KLF13: variants seen among roughly 807,000 people sequenced by gnomAD.
The protein encoded by KLF13 is Krueppel-like factor 13.
In KLF13, 8 loss-of-function variants were observed where a neutral mutation model predicts 16.7. The observed-to-expected ratio is 0.48, with a 90% CI of 0.28 to 0.87. KLF13 has a LOEUF of 0.87. Among genes scored for constraint, KLF13 ranks in the 40% least tolerant of loss-of-function variants. KLF13 has a pLI of 0.10. For missense variants in KLF13, 447 were observed against 452.2 expected, an observed-to-expected ratio of 0.99 and a Z score of 0.10; for synonymous variants, 245 against 208.4, an observed-to-expected ratio of 1.18 and a Z score of -1.51.
At chr15:31,337,718 G>A (rs1334959965) in intron 1 of KLF13, among the ~76,000 whole-genome samples, 1 of 152,146 alleles carries the variant, frequency 6.6e-6, no homozygotes, top group Non-Finnish European at 1.5e-5. Context: ...TCTAAATATA[G>A]AAAAAGGTAC....
intron 1 of KLF13, among the ~76,000 whole-genome samples, chr15:31,355,105 G>C (rs189551370): frequency 6.6e-6 from 1 of 152,342 alleles, no homozygotes; most frequent in East Asian, 1.9e-4. Flanking sequence ...TAGGTAAAAA[G>C]AAGGCAACCA....
intron 1 of KLF13, among the ~76,000 whole-genome samples, chr15:31,371,263 A>G (rs2039550909): frequency 2.0e-5 from 3 of 152,142 alleles, no homozygotes; most frequent in Non-Finnish European, 2.9e-5. Flanking sequence ...ACCGTAGCCA[A>G]CCTTCATTAC....
chr15:31,363,458 A>G (rs2039418953), intron 1 of KLF13, among the ~76,000 whole-genome samples: 1 of 152,212 alleles, frequency 6.6e-6, no homozygotes, highest in Non-Finnish European at 1.5e-5. Flanking sequence ...TTCATGGAGA[A>G]GTATAGTATA....
chr15:31,339,860 G>C lies in KLF13; in HGVS notation c.577+12071G>C, dbSNP rs1246141062. ...GTGGGAGTGCCCCAGGTGGCACTTT[G>C]CTGTGGGAGATGCAGCAGCGGGCTC... On this transcript the variant is annotated intron_variant, in intron 1 of 1. Coordinates refer to ENST00000307145, the MANE Select transcript of KLF13 (RefSeq NM_015995.4). 5 of 680,300 alleles carry C rather than the reference G, an allele frequency of 7.3e-6. No homozygotes were observed. The South Asian group carries it at 7.5e-5, about 10-fold the overall frequency. The allele number at this position is 680,300 out of a possible 1,614,324, so 42.1% of individuals were successfully genotyped here.
At chr15:31,370,782 A>G (rs529056203) in intron 1 of KLF13, among the ~76,000 whole-genome samples, 3 of 152,156 alleles carry the variant, frequency 2.0e-5, no homozygotes, top group African/African-American at 7.2e-5. Flanking sequence ...TTTCATCTCA[A>G]ATTCCTCAGA....
At chr15:31,329,453 C>T (rs1167342370) in intron 1 of KLF13, among the ~76,000 whole-genome samples, 12 of 150,178 alleles carry the variant, frequency 8.0e-5, no homozygotes, top group Admixed American at 4.6e-4. Context: ...GCCTGCCACT[C>T]GGCAGCACCG....
chr15:31,427,572 A>G (rs1167358092), intron 1 of KLF13, among the ~76,000 whole-genome samples: 1 of 152,250 alleles, frequency 6.6e-6, no homozygotes, highest in African/African-American at 2.4e-5. Flanking sequence ...TTAAATGTCT[A>G]TGGACAGATG....
intron 2 of KLF13, among the ~76,000 whole-genome samples, chr15:31,401,460 G>A (rs535877154): frequency 7.9e-4 from 120 of 152,326 alleles, no homozygotes; most frequent in African/African-American, 2.5e-3. Flanking sequence ...GTGGGTAGTG[G>A]GCTGCCTGCT....
intron 1 of KLF13, among the ~76,000 whole-genome samples, chr15:31,423,164 T>TACGTATACATATACGTGTATATAC (rs371896440): frequency 1.6e-4 from 4 of 25,356 alleles, no homozygotes; most frequent in Admixed American, 7.6e-4. Flanking sequence ...CGTATATATA[T>TACGTATACATATACGTGTATATAC]GTATATATAT....
intron 1 of KLF13, among the ~76,000 whole-genome samples, chr15:31,328,160 G>C (rs866860745): frequency 6.7e-6 from 1 of 150,294 alleles, no homozygotes; most frequent in Non-Finnish European, 1.5e-5. Flanking sequence ...GGCGGCACTC[G>C]TGACGGTGGG....
chr15:31,411,816 T>C (rs1357663960), intron 1 of KLF13, among the ~76,000 whole-genome samples: 3 of 152,174 alleles, frequency 2.0e-5, no homozygotes, highest in African/African-American at 7.2e-5. Flanking sequence ...ATCCAATCTG[T>C]CAATCTATTT....
chr15:31,432,770 T>C (rs150839931), intron 1 of KLF13, among the ~76,000 whole-genome samples: 1 of 152,236 alleles, frequency 6.6e-6, no homozygotes, highest in Non-Finnish European at 1.5e-5. Flanking sequence ...CATTTGAAGC[T>C]GGATATTGTG....
At chr15:31,328,277 G>A (rs959162046) in intron 1 of KLF13, among the ~76,000 whole-genome samples, 1 of 151,592 alleles carries the variant, frequency 6.6e-6, no homozygotes, top group Non-Finnish European at 1.5e-5. Context: ...GGCGCGCGGC[G>A]GGCGAAGTTC....
chr15:31,427,871 TACTC>T (rs2040418342), intron 1 of KLF13, among the ~76,000 whole-genome samples: 1 of 152,052 alleles, frequency 6.6e-6, no homozygotes, highest in Non-Finnish European at 1.5e-5. Context: ...ATCTTCCAAG[TACTC>T]ACTCACTATC....
rs933395148 is a variant in KLF13, at chr15:31,327,089, C to T, written c.-124C>T. ...AGGCGGCTGCGCGCCCAGCCCAGCC[C>T]AGCCCAGCCCGAGGAGAGGGCGCGC... On this transcript the variant is annotated 5_prime_UTR_variant, in exon 1 of 2. Coordinates refer to ENST00000307145, the MANE Select transcript of KLF13 (RefSeq NM_015995.4). 2 of 881,438 alleles carry T rather than the reference C, an allele frequency of 2.3e-6. No homozygotes were observed. Among genetic ancestry groups the T allele is most frequent in the African/African-American group, 1.8e-5 (1 of 55,270 alleles). 54.6% of individuals were successfully genotyped at this position (881,438 alleles called of 1,614,324 possible).
intron 2 of KLF13, among the ~76,000 whole-genome samples, chr15:31,396,104 C>T (rs1180794004): frequency 6.6e-6 from 1 of 152,224 alleles, no homozygotes; most frequent in African/African-American, 2.4e-5. Flanking sequence ...TGGCTCAATG[C>T]AACCTCCGTC....
At position 31,327,118 on chromosome 15, in the gene KLF13, GCCCCCGC is replaced by G. The variant is rs905736221; in HGVS notation, c.-85_-79del. The G allele has an allele frequency of 1.5e-5, 10 of 675,516 alleles. No individual in the cohort carries two copies. Among genetic ancestry groups the G allele is most frequent in the Non-Finnish European group, 1.7e-5 (9 of 535,832 alleles). 41.8% of individuals were successfully genotyped at this position (675,516 alleles called of 1,614,324 possible). On this transcript the variant is annotated 5_prime_UTR_variant, in exon 1 of 2. Coordinates refer to ENST00000307145, the MANE Select transcript of KLF13 (RefSeq NM_015995.4). ...CCAGCCCGAGGAGAGGGCGCGCCGCGCCCCCGCCCCCCGCCCGCTCTCCCGAGGCCGT... is the reference window on the plus strand; with the variant it reads ...CCAGCCCGAGGAGAGGGCGCGCCGCGCCCCCGCCCGCTCTCCCGAGGCCGT...
chr15:31,327,406 C>T lies in KLF13; in HGVS notation c.194C>T (p.Ala65Val). The T allele has an allele frequency of 1.6e-6, 2 of 1,265,500 alleles. No homozygotes were observed. Among genetic ancestry groups the T allele is most frequent in the South Asian group, 2.2e-5 (1 of 45,976 alleles). 78.4% of individuals were successfully genotyped at this position (1,265,500 alleles called of 1,614,324 possible). A position where few individuals can be genotyped will look rare whatever the true frequency, so the allele number is the denominator to read the frequency against. Residue 65 changes from alanine (A) to valine (V), a missense_variant, in exon 1 of 2, where the codon GCG (alanine) becomes GTG (valine). This residue lies in a region of KLF13 where 359 missense variants were observed against 282.8 expected (regional missense o/e 1.27). Transcript: ENST00000307145. ...GACAGCGCCTCGCTCTTCGTGGTGG[C>T]GCGGATCCTAGCGGACCTCAACCAG... Reference protein sequence around the residue: ...GKDSASLFVVARILADLNQQA... With the variant: ...GKDSASLFVVVRILADLNQQA...
At chr15:31,385,952 G>C (rs934590673) in intron 1 of KLF13, among the ~76,000 whole-genome samples, 1 of 152,212 alleles carries the variant, frequency 6.6e-6, no homozygotes, top group African/African-American at 2.4e-5. Context: ...AAATGTTCTC[G>C]AAGGAACTTA....
Sources: allele counts gnomAD v4.1 joint callset (sites outside exome capture counted in the v4.1 genomes callset), GRCh38; gene constraint gnomAD v4.1.1; regional missense constraint gnomAD v4.1.1; transcripts MANE v1.5; gene names NCBI Gene and HGNC (gene_info 2026-07-23, HGNC 2026-07-21).